SUCNR1: variants seen among roughly 807,000 people sequenced by gnomAD.
The protein encoded by SUCNR1 is G-protein coupled receptor 91.
SUCNR1 carries 5 observed loss-of-function variants against 2.4 expected under a neutral mutation model. That is an observed-to-expected ratio of 2.07 (90% confidence interval 1.08 to 4.36). SUCNR1 has a LOEUF of 4.36. SUCNR1 is among the 30% of genes most tolerant of loss of function. The pLI is 0.00. For synonymous variants in SUCNR1, 162 were observed against 143.9 expected, an observed-to-expected ratio of 1.13 and a Z score of -0.90; for missense variants, 373 against 399.2, an observed-to-expected ratio of 0.93 and a Z score of 0.56.
At position 151,883,578 on chromosome 3, in the gene SUCNR1, G is replaced by T. The variant is rs2108069970; in HGVS notation, c.*2030G>T. ...TTATTTTCTTCCTCAAATCTATCAT[G>T]TGGTAACTTAATCTTTAACAGACTT... On this transcript the variant is annotated 3_prime_UTR_variant, in exon 3 of 3. Transcript: ENST00000362032. 3 of 147,762 alleles carry T rather than the reference G, an allele frequency of 2.0e-5. No individual in the cohort carries two copies. The highest frequency in any genetic ancestry group is 7.4e-5 in the African/African-American group (3 of 40,414). 9.2% of individuals were successfully genotyped at this position (147,762 alleles called of 1,614,324 possible).
At position 151,880,983 on chromosome 3, in the gene SUCNR1, G is replaced by T; in HGVS notation, c.440G>T (p.Trp147Leu). Residue 147 changes from tryptophan to leucine, a missense_variant, in exon 3 of 3, where the codon TGG (tryptophan) becomes TTG (leucine). Physicochemically the swap from Trp to Leu is moderately conservative, Grantham distance 61. Coordinates refer to ENST00000362032, the MANE Select transcript of SUCNR1 (RefSeq NM_033050.6). ...GCTATTTTAATCTCCTTGGCCATTT[G>T]GGTTTTAGTAACCTTAGAGTTACTA... ...EFAILISLAI[W>L]VLVTLELLPI... 6.2e-7 allele frequency: 1 copy of T among 1,613,970 alleles called. No homozygotes were observed. Among genetic ancestry groups the T allele is most frequent in the Non-Finnish European group, 8.5e-7 (1 of 1,179,982 alleles).
intron 1 of SUCNR1, among the ~76,000 whole-genome samples, chr3:151,879,356 G>T (rs1303413406): frequency 1.3e-5 from 2 of 152,208 alleles, no homozygotes; most frequent in African/African-American, 4.8e-5. Context: ...TCCTCAAAAT[G>T]TATGTTGGAA....
In SUCNR1 at chr3:151,880,643, T is replaced by C. The variant is rs766022408; in HGVS notation, c.100T>C (p.Phe34Leu). ...YYLSIFYGIEFVVGVLGNTIV... is the reference protein window; with the variant it reads ...YYLSIFYGIELVVGVLGNTIV... ...CCTTTCCATTTTTTATGGGATTGAG[T>C]TCGTTGTGGGAGTCCTTGGAAATAC... The change falls in exon 3 of 3, where the codon TTC becomes CTC. Residue 34 changes from phenylalanine (F) to leucine (L), a missense_variant. Physicochemically the swap from Phe to Leu is conservative, Grantham distance 22. Around this residue, in one of 3 missense-constraint regions of SUCNR1, gnomAD observed 184 missense variants for 162.2 expected, o/e 1.13. Transcript: ENST00000362032. 6.2e-6 allele frequency: 10 copies of C among 1,613,978 alleles called. No individual in the cohort carries two copies. Among genetic ancestry groups the C allele is most frequent in the Non-Finnish European group, 8.5e-6 (10 of 1,179,924 alleles).
In SUCNR1 at chr3:151,881,457, T is replaced by C. The variant is rs1185575340; in HGVS notation, c.914T>C (p.Met305Thr). The C allele has an allele frequency of 6.2e-7, 1 of 1,613,978 alleles. No homozygotes were observed. Among genetic ancestry groups the C allele is most frequent in the Non-Finnish European group, 8.5e-7 (1 of 1,179,964 alleles). ...CTTTTGGGAGATCACTTCAGGGACA[T>C]GCTGATGAATCAACTGAGACACAAC... is the stretch of plus-strand genomic sequence containing the variant. Reference protein sequence around the residue: ...YFLLGDHFRDMLMNQLRHNFK... With the variant: ...YFLLGDHFRDTLMNQLRHNFK... The change falls in exon 3 of 3, where the codon ATG becomes ACG. Residue 305 changes from methionine to threonine, a missense_variant. Physicochemically the swap from Met to Thr is moderately conservative, Grantham distance 81 (BLOSUM62 -1). This residue lies in a region of SUCNR1 where 157 missense variants were observed against 178.7 expected (regional missense o/e 0.88). Coordinates refer to ENST00000362032, the MANE Select transcript of SUCNR1 (RefSeq NM_033050.6).
In SUCNR1 at chr3:151,880,417, T is replaced by C. The variant is rs140470054; in HGVS notation, c.16-142T>C. Reference sequence around the variant, plus strand: ...ATAATACATTAATGACATATATATATGTGTGTATGCTTTCCTTACTGATGT... The same window carrying C: ...ATAATACATTAATGACATATATATACGTGTGTATGCTTTCCTTACTGATGT... On this transcript the variant is annotated intron_variant, in intron 2 of 2. Transcript: ENST00000362032. The C allele has an allele frequency of 9.5e-5, 59 of 623,746 alleles. No homozygotes were observed. In the African/African-American group the frequency reaches 9.6e-4, roughly 10 times the overall value. The allele number at this position is 623,746 out of a possible 1,614,324, so 38.6% of individuals were successfully genotyped here. A position where few individuals can be genotyped will look rare whatever the true frequency, so the allele number is the denominator to read the frequency against.
intron 1 of SUCNR1, among the ~76,000 whole-genome samples, chr3:151,876,380 T>C (rs1188587485): frequency 2.6e-5 from 4 of 151,978 alleles, no homozygotes; most frequent in Non-Finnish European, 4.4e-5. Flanking sequence ...AAAATAAAGT[T>C]TGTTAATATG....
In SUCNR1 at chr3:151,882,350, T is replaced by A. The variant is rs896916568; in HGVS notation, c.*802T>A. 6.6e-6 allele frequency: 1 copy of A among 152,166 alleles called. No individual in the cohort carries two copies. The highest frequency in any genetic ancestry group is 2.4e-5 in the African/African-American group (1 of 41,446). 9.4% of individuals were successfully genotyped at this position (152,166 alleles called of 1,614,324 possible). ...GTGAATACATCGTTTTAAATGATGATTTTGCCATCTGGTATTTTATTATCA... is the reference window on the plus strand; with the variant it reads ...GTGAATACATCGTTTTAAATGATGAATTTGCCATCTGGTATTTTATTATCA... On this transcript the variant is annotated 3_prime_UTR_variant, in exon 3 of 3. Transcript: ENST00000362032.
rs150931060 is a variant in SUCNR1 at position 151,881,191 on chromosome 3, G to C, written c.648G>C (p.Gln216His). 1.2e-6 allele frequency: 2 copies of C among 1,614,168 alleles called. No individual in the cohort carries two copies. Among genetic ancestry groups the C allele is most frequent in the East Asian group, 2.2e-5 (1 of 44,880 alleles). The change falls in exon 3 of 3, where the codon CAG becomes CAC. Residue 216 changes from glutamine to histidine, a missense_variant. Coordinates refer to ENST00000362032, the MANE Select transcript of SUCNR1 (RefSeq NM_033050.6). ...FYYKIALFLK[Q>H]RNRQVATALP... ...ACAAGATTGCTCTCTTCCTAAAGCAGAGGAATAGGCAGGTTGCTACTGCTC... is the reference window on the plus strand; with the variant it reads ...ACAAGATTGCTCTCTTCCTAAAGCACAGGAATAGGCAGGTTGCTACTGCTC...
chr3:151,876,597 T>C (rs1717931149), intron 1 of SUCNR1, among the ~76,000 whole-genome samples: 1 of 152,152 alleles, frequency 6.6e-6, no homozygotes, highest in South Asian at 2.1e-4. Flanking sequence ...TGCTTATTAA[T>C]TTCAGGTGTC....
At chr3:151,874,146 A>ATTT (rs56678758) in intron 1 of SUCNR1, among the ~76,000 whole-genome samples, 2,052 of 60,050 alleles carry the variant, frequency 0.034, 181 homozygotes, top group Non-Finnish European at 0.049. Flanking sequence ...ATATATATAT[A>ATTT]TTTTTTTTTT....
chr3:151,874,123 T>G (rs1360141653), intron 1 of SUCNR1, among the ~76,000 whole-genome samples: 2 of 93,950 alleles, frequency 2.1e-5, no homozygotes, highest in African/African-American at 9.0e-5. Flanking sequence ...CACATATACA[T>G]ACATATATAT....
In SUCNR1 at chr3:151,881,466, A is replaced by G; in HGVS notation, c.923A>G (p.Asn308Ser). 6.2e-7 allele frequency: 1 copy of G among 1,614,044 alleles called. No individual in the cohort carries two copies. Among genetic ancestry groups the G allele is most frequent in the South Asian group, 1.1e-5 (1 of 91,088 alleles). The change falls in exon 3 of 3, where the codon AAT becomes AGT. Residue 308 changes from asparagine (N) to serine (S), a missense_variant. By Grantham distance (46) the Asn-to-Ser change is conservative (BLOSUM62 1). Coordinates refer to ENST00000362032, the MANE Select transcript of SUCNR1 (RefSeq NM_033050.6). ...LGDHFRDMLMNQLRHNFKSLT... is the reference protein window; with the variant it reads ...LGDHFRDMLMSQLRHNFKSLT... Reference sequence around the variant, plus strand: ...GATCACTTCAGGGACATGCTGATGAATCAACTGAGACACAACTTCAAATCC... The same window carrying G: ...GATCACTTCAGGGACATGCTGATGAGTCAACTGAGACACAACTTCAAATCC...
intron 1 of SUCNR1, among the ~76,000 whole-genome samples, chr3:151,877,261 T>C (rs1717951190): frequency 1.3e-5 from 2 of 152,276 alleles, no homozygotes; most frequent in South Asian, 4.1e-4. Flanking sequence ...GGCCAGATCA[T>C]GCAGACCTTG....
intron 1 of SUCNR1, among the ~76,000 whole-genome samples, chr3:151,875,509 GAA>G (rs1398046908): frequency 1.3e-5 from 2 of 151,740 alleles, no homozygotes; most frequent in Non-Finnish European, 2.9e-5. Flanking sequence ...TATGAACTTA[GAA>G]AAAATGAAAC....
rs556799089 is a variant in SUCNR1, at chr3:151,881,388, C to T, written c.845C>T (p.Pro282Leu). 2.5e-6 allele frequency: 4 copies of T among 1,614,182 alleles called. No individual in the cohort carries two copies. In the East Asian group the frequency reaches 8.9e-5, roughly 36 times the overall value. Residue 282 changes from proline (P) to leucine (L), a missense_variant, in exon 3 of 3, where the codon CCT becomes CTT. Physicochemically the swap from Pro to Leu is moderately conservative, Grantham distance 98. Coordinates refer to ENST00000362032, the MANE Select transcript of SUCNR1 (RefSeq NM_033050.6). ...AACTCCTTTTACATTGTGACACGGC[C>T]TTTGGCCTTTCTGAACAGTGTCATC... Reference protein sequence around the residue: ...VINSFYIVTRPLAFLNSVINP... With the variant: ...VINSFYIVTRLLAFLNSVINP...
intron 2 of SUCNR1, among the ~76,000 whole-genome samples, chr3:151,880,173 C>G (rs1419689021): frequency 6.6e-6 from 1 of 152,140 alleles, no homozygotes; most frequent in Non-Finnish European, 1.5e-5. Flanking sequence ...CACTGCCACC[C>G]TCCATCCCAA....
chr3:151,876,609 T>C (rs1717931487), intron 1 of SUCNR1, among the ~76,000 whole-genome samples: 1 of 152,156 alleles, frequency 6.6e-6, no homozygotes, highest in Admixed American at 6.5e-5. Context: ...TCAGGTGTCA[T>C]TTCTTAATTA....
At chr3:151,876,360 T>A (rs939078456) in intron 1 of SUCNR1, among the ~76,000 whole-genome samples, 2 of 152,020 alleles carry the variant, frequency 1.3e-5, no homozygotes, top group African/African-American at 4.8e-5. Flanking sequence ...AACTGACCAT[T>A]GAGCTAAAAA....
chr3:151,880,546 C>T lies in SUCNR1; in HGVS notation c.16-13C>T, dbSNP rs777070987. On this transcript the variant is annotated splice_polypyrimidine_tract_variant and intron_variant, in intron 2 of 2. Coordinates refer to ENST00000362032, the MANE Select transcript of SUCNR1 (RefSeq NM_033050.6). ...CTAGTGTTTAATCCTTATATTTTCT[C>T]TCTCTTCTTTAGGCATGGAATGCAA... 2 of 1,574,320 alleles carry T rather than the reference C, an allele frequency of 1.3e-6. No homozygotes were observed. Among genetic ancestry groups the T allele is most frequent in the Admixed American group, 1.9e-5 (1 of 53,542 alleles).
Sources: allele counts gnomAD v4.1 joint callset (sites outside exome capture counted in the v4.1 genomes callset), GRCh38; gene constraint gnomAD v4.1.1; regional missense constraint gnomAD v4.1.1; transcripts MANE v1.5; gene names NCBI Gene and HGNC (gene_info 2026-07-23, HGNC 2026-07-21).